Variants in ARFGEF3 observed in about 807,000 individuals in gnomAD.
ARFGEF3 encodes brefeldin A-inhibited guanine nucleotide-exchange protein 3.
A neutral mutation model predicts 221.7 loss-of-function variants in ARFGEF3; 96 were observed. The ratio of observed to expected loss-of-function variants is 0.43; its 90% CI spans 0.37 to 0.51. The LOEUF is 0.51. ARFGEF3 is among the 20% of genes least tolerant of loss of function. The probability of loss-of-function intolerance (pLI) is 0.00; values close to 1 mark genes in which losing one functional copy is unlikely to be tolerated. For synonymous variants in ARFGEF3, 1,145 were observed against 1,126.8 expected, an observed-to-expected ratio of 1.02 and a Z score of -0.32; for missense variants, 2,410 against 2,789.9, an observed-to-expected ratio of 0.86 and a Z score of 3.07.
At chr6:138,328,699 C>T (rs1780169064) in intron 32 of ARFGEF3, among the ~76,000 whole-genome samples, 3 of 146,852 alleles carry the variant, frequency 2.0e-5, no homozygotes, top group Admixed American at 6.7e-5. Flanking sequence ...ATGTCATACA[C>T]TTATAATCTT....
intron 24 of ARFGEF3, among the ~76,000 whole-genome samples, chr6:138,310,466 A>G (rs1201245924): frequency 6.6e-6 from 1 of 152,262 alleles, no homozygotes; most frequent in African/African-American, 2.4e-5. Flanking sequence ...TAAAGACAGT[A>G]TGACCTGCAA....
chr6:138,286,924 C>A lies in ARFGEF3; in HGVS notation c.2785+8C>A, dbSNP rs201101955. ...GGCTGAGCTGCGCTCTAGGTACCAG[C>A]GGGAGTAGTGTTCCCTGGCCGTGGT... On this transcript the variant is annotated splice_region_variant and intron_variant, in intron 16 of 33. Coordinates refer to ENST00000251691, the MANE Select transcript of ARFGEF3 (RefSeq NM_020340.5). 1.7e-5 allele frequency: 28 copies of A among 1,612,006 alleles called. No individual in the cohort carries two copies. In the Admixed American group the frequency reaches 4.7e-4, roughly 27 times the overall value.
intron 9 of ARFGEF3, 112 bp downstream of exon 9, chr6:138,254,096 C>G (rs1321958746): frequency 6.1e-6 from 4 of 653,710 alleles, no homozygotes; most frequent in East Asian, 3.0e-5. Context: ...GTAGTTTCAT[C>G]TGTGCGTAAA....
chr6:138,319,891 G>T lies in ARFGEF3; in HGVS notation c.4651+12G>T, dbSNP rs375571902. On this transcript the variant is annotated intron_variant, in intron 28 of 33. Transcript: ENST00000251691. ...CTTTCTACATTCAGGTATCTGAAGT[G>T]CCAGAGCAGTTCATTCTGGGTATTT... 1.3e-5 allele frequency: 21 copies of T among 1,612,316 alleles called. No individual in the cohort carries two copies. The African/African-American group carries it at 2.3e-4, about 17-fold the overall frequency.
rs1181928468 is a variant in ARFGEF3 at position 138,173,140 on chromosome 6, A to G, written c.137+2427A>G. On this transcript the variant is annotated intron_variant, in intron 2 of 33. Coordinates refer to ENST00000251691, the MANE Select transcript of ARFGEF3 (RefSeq NM_020340.5). ...ATACAGCATTATTTTACTGTTAAAG[A>G]AGAGTTCACCTTTTTTTTTGATGGA... 2.0e-5 allele frequency among the ~76,000 whole-genome samples: 3 copies of G among 151,658 alleles called. No individual in the cohort carries two copies. The East Asian group carries it at 5.8e-4, about 29-fold the overall frequency.
chr6:138,266,645 C>T (rs574495544), intron 12 of ARFGEF3, among the ~76,000 whole-genome samples: 3 of 151,944 alleles, frequency 2.0e-5, no homozygotes, highest in African/African-American at 4.8e-5. Flanking sequence ...GTTAGGAGAT[C>T]GAGACCATCC....
chr6:138,285,987 A>G lies in ARFGEF3; in HGVS notation c.2503A>G (p.Met835Val), dbSNP rs555750055. The G allele has an allele frequency of 8.2e-5, 132 of 1,611,714 alleles. 2 individuals carry two copies. In the South Asian group the frequency reaches 1.4e-3, roughly 16 times the overall value. ...GAGCAGTGCCATTGGTGGCCAGCTG[A>G]TGGCCTCGGCTGCTACAGAGTCTCC... ...LESSAIGGQLMASAATESPFA... is the reference protein window; with the variant it reads ...LESSAIGGQLVASAATESPFA... The change falls in exon 15 of 34, where the codon ATG becomes GTG. Residue 835 changes from methionine to valine, a missense_variant. Transcript: ENST00000251691.
At chr6:138,190,157 T>A (rs1229829564) in intron 2 of ARFGEF3, among the ~76,000 whole-genome samples, 10 of 152,100 alleles carry the variant, frequency 6.6e-5, no homozygotes, top group East Asian at 3.8e-4. Context: ...TTCACTTGCT[T>A]GGTAGAGGAT....
rs145404693 is a variant in ARFGEF3 at position 138,331,331 on chromosome 6, G to C, written c.5124-2639G>C. Among the ~76,000 whole-genome samples, 718 of 152,336 alleles carry C rather than the reference G, an allele frequency of 4.7e-3. 11 individuals carry two copies. Among genetic ancestry groups the C allele is most frequent in the African/African-American group, 0.016 (677 of 41,576 alleles). On this transcript the variant is annotated intron_variant, in intron 32 of 33. Coordinates refer to ENST00000251691, the MANE Select transcript of ARFGEF3 (RefSeq NM_020340.5). ...AGACATTCCTTAACATTCTTTAAGA[G>C]CTCTTAGCCAAAATCTGTATGCTTT...
chr6:138,266,329 AAGAAGGGAAGGC>A (rs942467444), intron 12 of ARFGEF3, among the ~76,000 whole-genome samples: 5 of 152,062 alleles, frequency 3.3e-5, no homozygotes, highest in South Asian at 2.1e-4. Flanking sequence ...GGCAGAGAGA[AAGAAGGGAAGGC>A]AGAAGGGAAG....
chr6:138,205,833 T>G (rs537559162), intron 2 of ARFGEF3, among the ~76,000 whole-genome samples: 30 of 152,372 alleles, frequency 2.0e-4, no homozygotes, highest in African/African-American at 7.0e-4. Flanking sequence ...TTTTGTAGTC[T>G]GTGTGGCTGG....
intron 12 of ARFGEF3, among the ~76,000 whole-genome samples, chr6:138,269,929 C>T (rs1000162495): frequency 2.0e-5 from 3 of 152,150 alleles, no homozygotes; most frequent in Non-Finnish European, 2.9e-5. Context: ...CCCAGGTGCT[C>T]CTGTCTTTCT....
At chr6:138,322,744 G>A (rs887835578) in intron 29 of ARFGEF3, among the ~76,000 whole-genome samples, 7 of 149,260 alleles carry the variant, frequency 4.7e-5, no homozygotes, top group Middle Eastern at 3.4e-3. Context: ...GCAGTAAGAC[G>A]AGATGGCACC....
chr6:138,263,641 A>G, intron 12 of ARFGEF3, 30 bp downstream of exon 12: 2 of 1,552,340 alleles, frequency 1.3e-6, no homozygotes, highest in Non-Finnish European at 1.7e-6. Context: ...CTGTATAGTC[A>G]ACAAGATTAT....
intron 28 of ARFGEF3, 41 bp downstream of exon 28, chr6:138,319,920 T>G (rs772195506): frequency 4.5e-6 from 7 of 1,570,410 alleles, no homozygotes. Context: ...GGTATTTCTT[T>G]GGTAGACAGC....
chr6:138,236,213 A>T (rs1355564940), intron 5 of ARFGEF3, among the ~76,000 whole-genome samples: 1 of 152,218 alleles, frequency 6.6e-6, no homozygotes, highest in Admixed American at 6.5e-5. Context: ...CAGCTCTCAA[A>T]ATAGCTCCTC....
chr6:138,333,592 G>A (rs188521441), intron 32 of ARFGEF3, among the ~76,000 whole-genome samples: 58 of 152,118 alleles, frequency 3.8e-4, no homozygotes, highest in Non-Finnish European at 6.8e-4. Context: ...ACAGGTGCCC[G>A]CCACCATGCC....
intron 10 of ARFGEF3, among the ~76,000 whole-genome samples, 161 bp downstream of exon 10, chr6:138,255,930 G>C (rs1016646602): frequency 6.6e-6 from 1 of 152,184 alleles, no homozygotes; most frequent in Non-Finnish European, 1.5e-5. Context: ...CAGTGCGTGT[G>C]TACATGTATT....
At chr6:138,212,674 C>T (rs1777753699) in intron 4 of ARFGEF3, among the ~76,000 whole-genome samples, 1 of 152,164 alleles carries the variant, frequency 6.6e-6, no homozygotes, top group African/African-American at 2.4e-5. Context: ...GGCACATATA[C>T]ACTATGGAAT....
Sources: gnomAD v4.1 joint callset for allele counts (sites outside exome capture counted in the v4.1 genomes callset) on GRCh38, gnomAD v4.1.1 for gene constraint, MANE v1.5 for transcripts, NCBI Gene and HGNC (gene_info 2026-07-23, HGNC 2026-07-21) for gene names.